Variants in TSPAN12 observed in about 807,000 individuals in gnomAD.
The protein encoded by TSPAN12 is tetraspanin 12.
Under a neutral mutation model 39.2 loss-of-function variants are expected in TSPAN12, and 19 were observed. That is an observed-to-expected ratio of 0.49 (90% CI 0.34 to 0.71). The LOEUF (loss-of-function observed/expected upper bound fraction) is 0.71. Ranked by LOEUF, TSPAN12 falls within the 30% of genes least tolerant of loss-of-function variation. The pLI is 0.01. For missense variants in TSPAN12, 314 were observed against 359.9 expected, an observed-to-expected ratio of 0.87 and a Z score of 1.03; for synonymous variants, 119 against 124.8, an observed-to-expected ratio of 0.95 and a Z score of 0.31.
chr7:120,811,878 A>G (rs1189035163), intron 5 of TSPAN12, among the ~76,000 whole-genome samples: 2 of 152,058 alleles, frequency 1.3e-5, no homozygotes, highest in African/African-American at 4.8e-5. Flanking sequence ...AGAATAATAC[A>G]ATGGACTTTG....
chr7:120,843,987 T>C (rs375296022), intron 2 of TSPAN12, among the ~76,000 whole-genome samples: 13 of 152,280 alleles, frequency 8.5e-5, no homozygotes, highest in African/African-American at 3.1e-4. Context: ...AGTTGGCTCA[T>C]GGTTCCTCAG....
intron 4 of TSPAN12, 107 bp downstream of exon 4, chr7:120,838,670 A>G (rs1181793908): frequency 8.6e-7 from 1 of 1,168,560 alleles, no homozygotes; most frequent in East Asian, 2.5e-5. Flanking sequence ...TTCTTACAGG[A>G]TGTTGTTACT....
intron 4 of TSPAN12, among the ~76,000 whole-genome samples, chr7:120,822,342 C>A (rs1396549594): frequency 6.6e-6 from 1 of 151,914 alleles, no homozygotes; most frequent in African/African-American, 2.4e-5. Flanking sequence ...ACCACCACCC[C>A]CTAGGATTTC....
At chr7:120,827,092 G>GT (rs1794302506) in intron 4 of TSPAN12, among the ~76,000 whole-genome samples, 1 of 151,982 alleles carries the variant, frequency 6.6e-6, no homozygotes, top group Admixed American at 6.6e-5. Flanking sequence ...TTTAAAAGAC[G>GT]TTAGATTAGG....
intron 5 of TSPAN12, among the ~76,000 whole-genome samples, chr7:120,813,825 GTAC>G (rs1448106839): frequency 6.6e-6 from 1 of 152,174 alleles, no homozygotes; most frequent in Non-Finnish European, 1.5e-5. Context: ...CTGGAGTCAA[GTAC>G]TTTATCACTC....
chr7:120,799,268 A>G (rs1002619572), intron 7 of TSPAN12, among the ~76,000 whole-genome samples: 1 of 151,574 alleles, frequency 6.6e-6, no homozygotes, highest in Non-Finnish European at 1.5e-5. Flanking sequence ...AGTTGACCTT[A>G]TAACTAGGTG....
chr7:120,838,297 A>T (rs1252476242), intron 4 of TSPAN12, among the ~76,000 whole-genome samples: 3 of 152,218 alleles, frequency 2.0e-5, no homozygotes, highest in African/African-American at 7.2e-5. Flanking sequence ...TTAAAAAAAC[A>T]ACAACCAAGA....
intron 4 of TSPAN12, among the ~76,000 whole-genome samples, chr7:120,817,823 G>A (rs1794113791): frequency 6.6e-6 from 1 of 152,146 alleles, no homozygotes; most frequent in Non-Finnish European, 1.5e-5. Flanking sequence ...GGGAGTACCA[G>A]GTAGTGACGA....
chr7:120,854,751 C>A (rs1349992208), intron 2 of TSPAN12, among the ~76,000 whole-genome samples: 2 of 151,990 alleles, frequency 1.3e-5, no homozygotes, highest in South Asian at 4.1e-4. Flanking sequence ...CTGTTGTGGA[C>A]AGGTATGAGT....
chr7:120,789,849 C>T (rs561128363), intron 7 of TSPAN12, among the ~76,000 whole-genome samples: 4 of 151,986 alleles, frequency 2.6e-5, no homozygotes, highest in Non-Finnish European at 5.9e-5. Flanking sequence ...CTGGGGGCCA[C>T]GTATGTTCAA....
intron 2 of TSPAN12, among the ~76,000 whole-genome samples, chr7:120,855,509 C>T (rs1379190831): frequency 1.3e-5 from 2 of 152,286 alleles, no homozygotes; most frequent in Non-Finnish European, 2.9e-5. Flanking sequence ...TTTAATGATT[C>T]ACTTAAAAAT....
At chr7:120,845,140 A>G (rs1207811401) in intron 2 of TSPAN12, among the ~76,000 whole-genome samples, 1 of 152,158 alleles carries the variant, frequency 6.6e-6, no homozygotes, top group Non-Finnish European at 1.5e-5. Flanking sequence ...CCACAGCTGG[A>G]GCTGAAGCAG....
chr7:120,795,372 T>G (rs1216236609), intron 7 of TSPAN12, among the ~76,000 whole-genome samples: 2 of 152,192 alleles, frequency 1.3e-5, no homozygotes. Flanking sequence ...ACTACCTTTA[T>G]CAGAGAAAAA....
At chr7:120,843,358 C>T (rs1794613516) in intron 2 of TSPAN12, among the ~76,000 whole-genome samples, 2 of 152,196 alleles carry the variant, frequency 1.3e-5, no homozygotes, top group Non-Finnish European at 2.9e-5. Flanking sequence ...CTGCCTCCCT[C>T]GTTGCTTGTT....
intron 2 of TSPAN12, among the ~76,000 whole-genome samples, chr7:120,845,105 T>C (rs1794647442): frequency 6.6e-6 from 1 of 152,174 alleles, no homozygotes; most frequent in Non-Finnish European, 1.5e-5. Flanking sequence ...AAAAGTGGCC[T>C]GAGATGTACC....
At chr7:120,842,689 G>A (rs1300772439) in intron 2 of TSPAN12, among the ~76,000 whole-genome samples, 1 of 152,140 alleles carries the variant, frequency 6.6e-6, no homozygotes, top group East Asian at 1.9e-4. Flanking sequence ...TGGGTCTCCT[G>A]CAGAAGTCAG....
At chr7:120,811,682 A>G (rs1793985214) in intron 5 of TSPAN12, among the ~76,000 whole-genome samples, 2 of 151,864 alleles carry the variant, frequency 1.3e-5, no homozygotes, top group African/African-American at 4.8e-5. Context: ...AAAAAAAAAA[A>G]AGAAAAGAAA....
chr7:120,793,769 T>G (rs1793578566), intron 7 of TSPAN12, among the ~76,000 whole-genome samples: 1 of 152,264 alleles, frequency 6.6e-6, no homozygotes, highest in Admixed American at 6.5e-5. Context: ...ACTTATGCCC[T>G]TGCATATTAT....
intron 4 of TSPAN12, among the ~76,000 whole-genome samples, chr7:120,828,102 G>A (rs1038927683): frequency 2.0e-5 from 3 of 151,962 alleles, no homozygotes; most frequent in South Asian, 2.1e-4. Context: ...ACCTTTATTC[G>A]CTCATCAATA....
Sources: allele counts gnomAD v4.1 joint callset (sites outside exome capture counted in the v4.1 genomes callset), GRCh38; gene constraint gnomAD v4.1.1; transcripts MANE v1.5; gene names NCBI Gene and HGNC (gene_info 2026-07-23, HGNC 2026-07-21).